B9D2: variants seen among roughly 807,000 people sequenced by gnomAD.
The protein encoded by B9D2 is B9 domain-containing protein 2.
In B9D2, 21 loss-of-function variants were observed where a neutral mutation model predicts 19.2. The observed-to-expected ratio is 1.09, with a 90% CI of 0.78 to 1.58. The LOEUF is 1.58. Ranked by LOEUF, B9D2 falls within the 40% of genes most tolerant of loss-of-function variation. The probability of loss-of-function intolerance (pLI) is 0.00; values close to 1 mark genes in which losing one functional copy is unlikely to be tolerated. For missense variants in B9D2, 221 were observed against 244.3 expected (o/e 0.90, Z 0.64); for synonymous variants, 91 against 100.6 (o/e 0.90, Z 0.57).
chr19:41,360,166 C>T (rs1422144755), intron 2 of B9D2, among the ~76,000 whole-genome samples: 3 of 151,650 alleles, frequency 2.0e-5, no homozygotes, highest in African/African-American at 7.3e-5. Context: ...AATCACGGTG[C>T]TCCTTTCTTT....
chr19:41,364,089 G>A lies in B9D2; in HGVS notation c.-136C>T, dbSNP rs1464974572. On this transcript the variant is annotated 5_prime_UTR_variant, in exon 1 of 4. Transcript: ENST00000243578. ...CCTCTCCCAGGACCCGCCTGGCTGC[G>A]AGATATGTAAGCCGCGATACTTCCG... 6.0e-6 allele frequency: 1 copy of A among 165,646 alleles called. No homozygotes were observed. Among genetic ancestry groups the A allele is most frequent in the Non-Finnish European group, 1.3e-5 (1 of 74,368 alleles). The allele number at this position is 165,646 out of a possible 1,614,324, so 10.3% of individuals were successfully genotyped here.
intron 2 of B9D2, among the ~76,000 whole-genome samples, chr19:41,360,429 A>T (rs1307548787): frequency 1.3e-5 from 2 of 152,014 alleles, no homozygotes; most frequent in Non-Finnish European, 2.9e-5. Context: ...CTCCTGCTCC[A>T]GTCTCCCAAA....
intron 2 of B9D2, chr19:41,361,280 C>T (rs1485365399): frequency 6.6e-6 from 1 of 152,176 alleles, no homozygotes; most frequent in Non-Finnish European, 1.5e-5. Context: ...CTGCGTCAGG[C>T]TCCTTAAAAG....
At chr19:41,359,112 G>C (rs117246752) in intron 2 of B9D2, among the ~76,000 whole-genome samples, 6,344 of 151,960 alleles carry the variant, frequency 0.042, 175 homozygotes, top group Middle Eastern at 0.059. Flanking sequence ...CAGCTGGTGT[G>C]ACACAGTGAG....
At chr19:41,361,855 G>A (rs553648646) in intron 2 of B9D2, among the ~76,000 whole-genome samples, 1 of 62,224 alleles carries the variant, frequency 1.6e-5, no homozygotes, top group African/African-American at 6.8e-5. Flanking sequence ...CTACGCAGGC[G>A]GATCACTTAA....
rs765309540 is a variant in B9D2, at chr19:41,355,005, G to T, written c.223C>A (p.Arg75=). ...FATKGLQGWP[R]LHFQVWSQDS... ...TGGGACCACACCTGGAAATGGAGCC[G>T]GGGCCAGCCTGCAGGAAAGGAGAGA... The change falls in exon 4 of 4, where the codon CGG becomes AGG. Residue 75 remains arginine, a synonymous_variant. Transcript: ENST00000243578. The T allele has an allele frequency of 6.3e-7, 1 of 1,594,828 alleles. No homozygotes were observed. Among genetic ancestry groups the T allele is most frequent in the Non-Finnish European group, 8.6e-7 (1 of 1,168,698 alleles).
At chr19:41,359,690 C>T (rs987134279) in intron 2 of B9D2, among the ~76,000 whole-genome samples, 9 of 150,768 alleles carry the variant, frequency 6.0e-5, no homozygotes, top group South Asian at 2.1e-4. Flanking sequence ...GCAACAAGAG[C>T]GAAATTCCAT....
chr19:41,360,326 G>A (rs2123138757), intron 2 of B9D2, among the ~76,000 whole-genome samples: 1 of 152,034 alleles, frequency 6.6e-6, no homozygotes, highest in East Asian at 1.9e-4. Flanking sequence ...CAGGCACACA[G>A]CACTATGCTT....
chr19:41,355,293 T>A (rs1379706394), intron 3 of B9D2, among the ~76,000 whole-genome samples: 2 of 152,180 alleles, frequency 1.3e-5, no homozygotes, highest in East Asian at 1.9e-4. Flanking sequence ...CTCTTCAACA[T>A]TCAAGGCCCT....
At chr19:41,357,617 T>C (rs956220399) in intron 3 of B9D2, among the ~76,000 whole-genome samples, 3 of 152,044 alleles carry the variant, frequency 2.0e-5, no homozygotes, top group African/African-American at 7.2e-5. Flanking sequence ...TCTCGTTTTG[T>C]CTCTTTACTT....
chr19:41,363,353 G>C (rs1030972857), intron 2 of B9D2, 79 bp downstream of exon 2: 1 of 1,412,838 alleles, frequency 7.1e-7, no homozygotes, highest in African/African-American at 1.4e-5. Flanking sequence ...AAGAGTCTGC[G>C]TTAAGGGGTG....
chr19:41,356,286 G>C (rs982099536), intron 3 of B9D2, among the ~76,000 whole-genome samples: 5 of 152,190 alleles, frequency 3.3e-5, no homozygotes, highest in East Asian at 1.9e-4. Context: ...GTCCATGTGA[G>C]AGAAGAACTT....
At chr19:41,360,687 T>C (rs971199214) in intron 2 of B9D2, among the ~76,000 whole-genome samples, 3 of 151,968 alleles carry the variant, frequency 2.0e-5, no homozygotes, top group African/African-American at 7.3e-5. Flanking sequence ...TTTTGTATTT[T>C]TAGTAGAAAT....
At position 41,364,143 on chromosome 19, in the gene B9D2, T is replaced by G. The variant is rs1363584784; in HGVS notation, c.-190A>C. 1 of 163,876 alleles carries G rather than the reference T, an allele frequency of 6.1e-6. No individual in the cohort carries two copies. Among genetic ancestry groups the G allele is most frequent in the Non-Finnish European group, 1.4e-5 (1 of 73,432 alleles). The allele number at this position is 163,876 out of a possible 1,614,324, so 10.2% of individuals were successfully genotyped here. On this transcript the variant is annotated 5_prime_UTR_variant, in exon 1 of 4. Transcript: ENST00000243578. ...CCGCGCTCGTCTTGGTTTCCGTGGTTGTTGCTGGGGCAACAGCAGGCTCCT... is the reference window on the plus strand; with the variant it reads ...CCGCGCTCGTCTTGGTTTCCGTGGTGGTTGCTGGGGCAACAGCAGGCTCCT...
intron 3 of B9D2, among the ~76,000 whole-genome samples, chr19:41,356,311 G>T (rs1036581485): frequency 1.3e-5 from 2 of 152,118 alleles, no homozygotes; most frequent in East Asian, 3.9e-4. Context: ...AGATCAAGGT[G>T]CTGGGCGAGA....
chr19:41,360,573 T>A (rs1210429399), intron 2 of B9D2, among the ~76,000 whole-genome samples: 1 of 152,168 alleles, frequency 6.6e-6, no homozygotes, highest in Non-Finnish European at 1.5e-5. Context: ...TGGCACCATC[T>A]CGGCTCACTG....
In B9D2 at chr19:41,357,982, T is replaced by G; in HGVS notation, c.129A>C (p.Gln43His). The G allele has an allele frequency of 6.2e-7, 1 of 1,614,116 alleles. No homozygotes were observed. Among genetic ancestry groups the G allele is most frequent in the Non-Finnish European group, 8.5e-7 (1 of 1,179,986 alleles). The change falls in exon 3 of 4, where the codon CAA (glutamine) becomes CAC (histidine). Residue 43 changes from glutamine (Q) to histidine (H), a missense_variant. Gln to His is a conservative substitution (Grantham distance 24, BLOSUM62 0). Transcript: ENST00000243578. Reference sequence around the variant, plus strand: ...CTATCTGCGGGGTGTCCACTTGCGTTTGGCCCTCCCGCACGCCTGACAGGA... The same window carrying G: ...CTATCTGCGGGGTGTCCACTTGCGTGTGGCCCTCCCGCACGCCTGACAGGA... Reference protein sequence around the residue: ...WKLLSGVREGQTQVDTPQIGD... With the variant: ...WKLLSGVREGHTQVDTPQIGD...
At position 41,357,887 on chromosome 19, in the gene B9D2, T is replaced by C. The variant is rs1337199873; in HGVS notation, c.214+10A>G. Reference sequence around the variant, plus strand: ...CTCAGCCTGGACCCGGGTCCAGGTGTGATACCCACCTTGAAGACCTTTGGT... The same window carrying C: ...CTCAGCCTGGACCCGGGTCCAGGTGCGATACCCACCTTGAAGACCTTTGGT... On this transcript the variant is annotated intron_variant, in intron 3 of 3. Transcript: ENST00000243578. 2 of 1,613,976 alleles carry C rather than the reference T, an allele frequency of 1.2e-6. No homozygotes were observed. Among genetic ancestry groups the C allele is most frequent in the East Asian group, 4.5e-5 (2 of 44,870 alleles).
intron 2 of B9D2, 122 bp downstream of exon 2, chr19:41,363,310 C>T: frequency 1.0e-6 from 1 of 967,924 alleles, no homozygotes; most frequent in Non-Finnish European, 1.6e-6. Flanking sequence ...GTGGGCTGGG[C>T]CTGGAGTACT....
Sources: allele counts gnomAD v4.1 joint callset (sites outside exome capture counted in the v4.1 genomes callset), GRCh38; gene constraint gnomAD v4.1.1; transcripts MANE v1.5; gene names NCBI Gene and HGNC (gene_info 2026-07-23, HGNC 2026-07-21).